GRID2: variants seen among roughly 807,000 people sequenced by gnomAD.
GRID2 encodes glutamate ionotropic receptor delta type subunit 2.
A neutral mutation model predicts 114.8 loss-of-function variants in GRID2; 33 were observed. The ratio of observed to expected loss-of-function variants is 0.29; its 90% CI spans 0.22 to 0.38. The LOEUF (loss-of-function observed/expected upper bound fraction) is 0.38. Ranked by LOEUF, GRID2 falls within the 10% of genes least tolerant of loss-of-function variation. The probability of loss-of-function intolerance (pLI) is 1.00; values close to 1 mark genes in which losing one functional copy is unlikely to be tolerated. For missense variants in GRID2, 1,184 were observed against 1,257.7 expected (o/e 0.94, Z 0.89); for synonymous variants, 505 against 449.9 (o/e 1.12, Z -1.55).
chr4:93,501,209 T>TCTTTGTC (rs1391167174), intron 12 of GRID2, among the ~76,000 whole-genome samples: 1 of 152,028 alleles, frequency 6.6e-6, no homozygotes, highest in Non-Finnish European at 1.5e-5. Context: ...GAAAGCCATT[T>TCTTTGTC]CTTTGTCCTA....
chr4:92,959,329 A>G (rs541736148), intron 2 of GRID2, among the ~76,000 whole-genome samples: 1 of 152,146 alleles, frequency 6.6e-6, no homozygotes, highest in South Asian at 2.1e-4. Flanking sequence ...AATCAATGTT[A>G]TAAATATCCC....
chr4:92,614,077 T>G (rs1729884628), intron 2 of GRID2, among the ~76,000 whole-genome samples: 2 of 151,440 alleles, frequency 1.3e-5, no homozygotes, highest in Middle Eastern at 3.2e-3. Context: ...TTTGAAACCA[T>G]ATATTATTAT....
chr4:93,414,685 T>TATATATATATATATA (rs1553925780), intron 9 of GRID2, among the ~76,000 whole-genome samples: 1 of 140,518 alleles, frequency 7.1e-6, no homozygotes, highest in African/African-American at 2.7e-5. Flanking sequence ...ATCTGACATT[T>TATATATATATATATA]TATATATATA....
chr4:93,181,019 A>G (rs1479226957), intron 4 of GRID2, among the ~76,000 whole-genome samples: 1 of 152,172 alleles, frequency 6.6e-6, no homozygotes, highest in Non-Finnish European at 1.5e-5. Flanking sequence ...TTTGTTCCAG[A>G]AAGTTTTCAA....
chr4:92,495,915 T>C (rs1247321032), intron 1 of GRID2, among the ~76,000 whole-genome samples: 1 of 151,848 alleles, frequency 6.6e-6, no homozygotes, highest in African/African-American at 2.4e-5. Flanking sequence ...TTGGCAACTA[T>C]ACCCAGACAT....
chr4:93,472,009 A>T (rs1724887202), intron 11 of GRID2, among the ~76,000 whole-genome samples: 1 of 151,072 alleles, frequency 6.6e-6, no homozygotes, highest in South Asian at 2.1e-4. Flanking sequence ...CTTGAATTTA[A>T]TATTTTATTT....
At chr4:93,514,978 C>T (rs761454172) in intron 12 of GRID2, among the ~76,000 whole-genome samples, 4 of 152,086 alleles carry the variant, frequency 2.6e-5, no homozygotes, top group South Asian at 4.1e-4. Context: ...TACCACTAGA[C>T]GTTTTCACTT....
intron 1 of GRID2, among the ~76,000 whole-genome samples, chr4:92,448,153 A>G (rs1051497394): frequency 2.6e-5 from 4 of 151,496 alleles, no homozygotes; most frequent in Non-Finnish European, 5.9e-5. Context: ...GTATGTATGT[A>G]TGTATGTATG....
chr4:93,765,619 T>C (rs982137139), intron 14 of GRID2, among the ~76,000 whole-genome samples: 12 of 148,548 alleles, frequency 8.1e-5, no homozygotes, highest in Non-Finnish European at 1.2e-4. Context: ...TATATATATA[T>C]ATATATATAT....
chr4:93,274,777 G>C (rs1232594774), intron 8 of GRID2, among the ~76,000 whole-genome samples: 1 of 151,986 alleles, frequency 6.6e-6, no homozygotes, highest in Non-Finnish European at 1.5e-5. Context: ...ATATAATTTA[G>C]CTTTTCAGAA....
At chr4:92,997,959 C>T (rs1755306290) in intron 2 of GRID2, among the ~76,000 whole-genome samples, 1 of 152,038 alleles carries the variant, frequency 6.6e-6, no homozygotes, top group Non-Finnish European at 1.5e-5. Context: ...AATCACATAT[C>T]AGACATATCT....
intron 2 of GRID2, among the ~76,000 whole-genome samples, chr4:92,993,204 A>C (rs1755008933): frequency 6.6e-6 from 1 of 151,770 alleles, no homozygotes; most frequent in African/African-American, 2.4e-5. Context: ...ATAATAATAA[A>C]AGAATTGCCC....
intron 2 of GRID2, among the ~76,000 whole-genome samples, chr4:92,768,931 C>T (rs1738399558): frequency 6.6e-6 from 1 of 152,202 alleles, no homozygotes; most frequent in Admixed American, 6.5e-5. Flanking sequence ...TCTGCCCTGA[C>T]TGCTCCCAAA....
intron 2 of GRID2, among the ~76,000 whole-genome samples, chr4:92,624,119 T>G (rs1730407820): frequency 1.3e-5 from 2 of 151,838 alleles, no homozygotes; most frequent in Non-Finnish European, 2.9e-5. Flanking sequence ...TTAAATAAAT[T>G]ATGTTCCATG....
intron 1 of GRID2, among the ~76,000 whole-genome samples, chr4:92,462,741 C>T (rs971445881): frequency 3.9e-5 from 6 of 151,920 alleles, no homozygotes; most frequent in African/African-American, 1.4e-4. Context: ...CTATAAGACA[C>T]TTCTGAATCA....
At chr4:92,417,277 G>A (rs1037424030) in intron 1 of GRID2, among the ~76,000 whole-genome samples, 5 of 151,966 alleles carry the variant, frequency 3.3e-5, no homozygotes, top group African/African-American at 1.2e-4. Context: ...TATAAGTAAC[G>A]GAGAATTTAG....
At chr4:92,445,200 T>A (rs1733387722) in intron 1 of GRID2, among the ~76,000 whole-genome samples, 1 of 152,242 alleles carries the variant, frequency 6.6e-6, no homozygotes, top group African/African-American at 2.4e-5. Flanking sequence ...GCCCTTGTAT[T>A]GATGAGTAAA....
rs1476878415 is a variant in GRID2 at position 93,368,124 on chromosome 4, A to G, written c.1246-27483A>G. Among the ~76,000 whole-genome samples, 12 of 152,178 alleles carry G rather than the reference A, an allele frequency of 7.9e-5. No homozygotes were observed. In the East Asian group the frequency reaches 2.3e-3, roughly 29 times the overall value. ...AACTAATTGGAAAACAAAATTAACT[A>G]TCTCAGTAAGGCTAGAACATCATTT... is the stretch of plus-strand genomic sequence containing the variant. On this transcript the variant is annotated intron_variant, in intron 8 of 15. Coordinates refer to ENST00000282020, the MANE Select transcript of GRID2 (RefSeq NM_001510.4).
chr4:92,545,365 TAATTCTTCTCATACC>T (rs201538324), intron 1 of GRID2, among the ~76,000 whole-genome samples: 3,485 of 152,266 alleles, frequency 0.023, 120 homozygotes, highest in African/African-American at 0.071. Context: ...CTAAGCAAGG[TAATTCTTCTCATACC>T]AGTTTTTCTC....
Sources: allele counts gnomAD v4.1 joint callset (sites outside exome capture counted in the v4.1 genomes callset), GRCh38; gene constraint gnomAD v4.1.1; transcripts MANE v1.5; gene names NCBI Gene and HGNC (gene_info 2026-07-23, HGNC 2026-07-21).